The following SHOC1 variants were observed in gnomAD, a reference collection of about 807,000 sequenced individuals.
SHOC1 encodes shortage in chiasmata 1.
In SHOC1, 136 loss-of-function variants were observed where a neutral mutation model predicts 179.2. The ratio of observed to expected loss-of-function variants is 0.76; its 90% CI spans 0.66 to 0.87. SHOC1 has a LOEUF of 0.87. Among genes scored for constraint, SHOC1 ranks in the 40% least tolerant of loss-of-function variants. The pLI, the probability that SHOC1 is intolerant of heterozygous loss-of-function variation, is 0.00. For synonymous variants in SHOC1, 489 were observed against 586.6 expected (o/e 0.83, Z 2.41); for missense variants, 1,538 against 1,700.8 (o/e 0.90, Z 1.68).
At chr9:111,714,372 A>G in intron 17 of SHOC1, 73 bp downstream of exon 17, 1 of 1,511,814 alleles carries the variant, frequency 6.6e-7, no homozygotes, top group Non-Finnish European at 9.1e-7. Context: ...TTTAAAGTTA[A>G]ATGCAAAAAT....
Position 111,693,239 on chromosome 9 carries a change from G to A in SHOC1, c.3465+560C>T, listed in dbSNP as rs114129766. On this transcript the variant is annotated intron_variant, in intron 26 of 27. Coordinates refer to ENST00000682961, the MANE Select transcript of SHOC1 (RefSeq NM_001378211.1). ...GAGAATTGCTTGAACCCAGGAGCTG[G>A]AGACTGCAGTGAGCCGAGATCAAGC... is the stretch of plus-strand genomic sequence containing the variant. 9.8e-3 allele frequency among the ~76,000 whole-genome samples: 1,490 copies of A among 151,870 alleles called. 29 individuals carry two copies. The highest frequency in any genetic ancestry group is 0.034 in the African/African-American group (1,416 of 41,396).
intron 2 of SHOC1, among the ~76,000 whole-genome samples, chr9:111,787,020 T>G (rs1836283067): frequency 6.6e-6 from 1 of 152,206 alleles, no homozygotes; most frequent in South Asian, 2.1e-4. Context: ...AAAGCCTGGA[T>G]GATGGCACAT....
At chr9:111,696,453 T>A (rs62569950) in intron 24 of SHOC1, among the ~76,000 whole-genome samples, 11,558 of 152,256 alleles carry the variant, frequency 0.076, 660 homozygotes, top group South Asian at 0.21. Context: ...GGCTTATGAG[T>A]ACTGAGGACA....
chr9:111,711,025 TA>T, intron 18 of SHOC1, among the ~76,000 whole-genome samples: 1 of 152,072 alleles, frequency 6.6e-6, no homozygotes, highest in East Asian at 1.9e-4. Context: ...AGGAAAAGAG[TA>T]ATTAGAGAGA....
At chr9:111,702,468 A>G (rs1832025071) in intron 22 of SHOC1, among the ~76,000 whole-genome samples, 3 of 152,188 alleles carry the variant, frequency 2.0e-5, no homozygotes, top group Admixed American at 1.3e-4. Flanking sequence ...GAGGTCCTAG[A>G]TATGAAGAAA....
chr9:111,694,042 T>TTAAG (rs113054343), intron 25 of SHOC1, 94 bp from the exon 26 acceptor site: 536,748 of 1,118,496 alleles, frequency 0.48, 151,803 homozygotes, highest in East Asian at 0.82. Flanking sequence ...AGAAAAGAGT[T>TTAAG]TAATAGTCAG....
chr9:111,722,579 T>C lies in SHOC1; in HGVS notation c.1961A>G (p.Gln654Arg), dbSNP rs1414169050. 7.5e-6 allele frequency: 12 copies of C among 1,593,568 alleles called. No individual in the cohort carries two copies. In the East Asian group the frequency reaches 2.7e-4, roughly 36 times the overall value. Residue 654 changes from glutamine to arginine, a missense_variant, in exon 15 of 28, where the codon CAG (glutamine) becomes CGG (arginine). Coordinates refer to ENST00000682961, the MANE Select transcript of SHOC1 (RefSeq NM_001378211.1). ...SVIEIQASDSQCQAFCLLEAA... is the reference protein window; with the variant it reads ...SVIEIQASDSRCQAFCLLEAA... ...TTCGAGGAGGCAAAATGCTTGGCACTGGCTATCTGCAAAAATAAAAGCATT... is the reference window on the plus strand; with the variant it reads ...TTCGAGGAGGCAAAATGCTTGGCACCGGCTATCTGCAAAAATAAAAGCATT...
intron 8 of SHOC1, among the ~76,000 whole-genome samples, chr9:111,755,103 T>C (rs1834796119): frequency 2.0e-5 from 3 of 152,226 alleles, no homozygotes; most frequent in African/African-American, 7.2e-5. Context: ...TCTGTGGCAG[T>C]GACTCTGTTT....
chr9:111,690,905 C>CTCCT (rs1462954885), intron 27 of SHOC1, among the ~76,000 whole-genome samples: 5 of 152,178 alleles, frequency 3.3e-5, no homozygotes, highest in African/African-American at 4.8e-5. Context: ...TCCCCTTTTT[C>CTCCT]TCCTATCCTG....
At chr9:111,716,599 C>G (rs1445167507) in intron 16 of SHOC1, among the ~76,000 whole-genome samples, 1 of 152,014 alleles carries the variant, frequency 6.6e-6, no homozygotes, top group Non-Finnish European at 1.5e-5. Flanking sequence ...CCATGTTGGC[C>G]AGGCTGGTTT....
intron 22 of SHOC1, among the ~76,000 whole-genome samples, chr9:111,702,577 C>T (rs933080749): frequency 1.3e-5 from 2 of 152,138 alleles, no homozygotes; most frequent in African/African-American, 4.8e-5. Flanking sequence ...GGATGCAAGT[C>T]CTTTGTGGAC....
At position 111,748,103 on chromosome 9, in the gene SHOC1, C is replaced by T. The variant is rs755876760; in HGVS notation, c.959G>A (p.Cys320Tyr). The T allele has an allele frequency of 6.8e-6, 11 of 1,611,860 alleles. No individual in the cohort carries two copies. The highest frequency in any genetic ancestry group is 2.7e-5 in the African/African-American group (2 of 74,844). The change falls in exon 9 of 28, where the codon TGC becomes TAC. Residue 320 changes from cysteine to tyrosine, a missense_variant. By Grantham distance (194) the Cys-to-Tyr change is radical. Transcript: ENST00000682961. ...ATCAAAATTTCTACCTGGTTTACTG[C>T]ACTCTTCTGGTTCACTCTGGCTTTG... is the stretch of plus-strand genomic sequence containing the variant. ...TIQSQSEPEE[C>Y]SKPGELEMPL...
chr9:111,748,346 T>G (rs1834384635), intron 8 of SHOC1, 147 bp from the exon 9 acceptor site: 1 of 600,494 alleles, frequency 1.7e-6, no homozygotes, highest in African/African-American at 1.9e-5. Flanking sequence ...AGATTTATAC[T>G]TCTGAAGAAA....
chr9:111,756,258 A>C, intron 8 of SHOC1, 67 bp downstream of exon 8: 1 of 1,316,198 alleles, frequency 7.6e-7, no homozygotes, highest in Non-Finnish European at 1.0e-6. Flanking sequence ...TTTAATAAAC[A>C]AGAACCTATG....
chr9:111,716,835 T>C (rs184219220), intron 16 of SHOC1, among the ~76,000 whole-genome samples: 282 of 152,352 alleles, frequency 1.9e-3, no homozygotes, highest in Admixed American at 3.1e-3. Context: ...TCTTCTTCAA[T>C]TAAACCACTT....
At chr9:111,785,849 T>C in intron 3 of SHOC1, 63 bp downstream of exon 3, 2 of 1,305,558 alleles carry the variant, frequency 1.5e-6, no homozygotes, top group Non-Finnish European at 2.0e-6. Context: ...TCTTAATAAT[T>C]TGCTGTGCTA....
intron 27 of SHOC1, among the ~76,000 whole-genome samples, chr9:111,689,816 T>C (rs903997739): frequency 6.6e-5 from 10 of 152,298 alleles, no homozygotes; most frequent in African/African-American, 2.4e-4. Context: ...GTTTGACTAT[T>C]CTACTCATAT....
Position 111,689,318 on chromosome 9 carries a change from C to T in SHOC1, c.4426+2233G>A, listed in dbSNP as rs1261464063. On this transcript the variant is annotated intron_variant, in intron 27 of 27. Coordinates refer to ENST00000682961, the MANE Select transcript of SHOC1 (RefSeq NM_001378211.1). ...GGATGATTCAGCCTGGGTGACAGAG[C>T]AAGACTCTGTCAATAATAATAATAA... 2.1e-5 allele frequency among the ~76,000 whole-genome samples: 3 copies of T among 142,712 alleles called. 1 individual carries two copies. The East Asian group carries it at 6.2e-4, about 29-fold the overall frequency. 93.6% of individuals were successfully genotyped at this position (142,712 alleles called of 152,430 possible).
intron 27 of SHOC1, among the ~76,000 whole-genome samples, chr9:111,690,358 G>A (rs1032545496): frequency 6.6e-6 from 1 of 152,168 alleles, no homozygotes; most frequent in Admixed American, 6.5e-5. Flanking sequence ...CCCGAAAGGT[G>A]GGGGTGGCAG....
Sources: allele counts gnomAD v4.1 joint callset (sites outside exome capture counted in the v4.1 genomes callset), GRCh38; gene constraint gnomAD v4.1.1; transcripts MANE v1.5; gene names NCBI Gene and HGNC (gene_info 2026-07-23, HGNC 2026-07-21).